Variants in ULK4 observed in about 807,000 individuals in gnomAD.
ULK4 encodes inactive serine/threonine-protein kinase ULK4.
In ULK4, 133 loss-of-function variants were observed where a neutral mutation model predicts 160.6. The observed-to-expected ratio is 0.83, with a 90% CI of 0.72 to 0.96. ULK4 has a LOEUF of 0.96. Among genes scored for constraint, ULK4 ranks in the 40% least tolerant of loss-of-function variants. The probability of loss-of-function intolerance (pLI) is 0.00; values close to 1 mark genes in which losing one functional copy is unlikely to be tolerated. For missense variants in ULK4, 1,580 were observed against 1,499.5 expected (o/e 1.05, Z -0.89); for synonymous variants, 534 against 539.8 (o/e 0.99, Z 0.15).
intron 22 of ULK4, among the ~76,000 whole-genome samples, chr3:41,746,979 C>A (rs1293519311): frequency 6.6e-6 from 1 of 151,938 alleles, no homozygotes; most frequent in Non-Finnish European, 1.5e-5. Flanking sequence ...AAACCTCTAA[C>A]TAAACTTTAT....
chr3:41,830,984 A>G (rs1325208062), intron 18 of ULK4, among the ~76,000 whole-genome samples: 2 of 151,276 alleles, frequency 1.3e-5, no homozygotes, highest in African/African-American at 2.4e-5. Flanking sequence ...CATAATGTAC[A>G]TCGCACAGGG....
At chr3:41,413,270 G>A (rs2082448571) in intron 34 of ULK4, among the ~76,000 whole-genome samples, 1 of 152,126 alleles carries the variant, frequency 6.6e-6, no homozygotes, top group Non-Finnish European at 1.5e-5. Context: ...AGGGGATTAT[G>A]GGAGCTAAAA....
chr3:41,476,606 T>C (rs2084152641), intron 32 of ULK4, among the ~76,000 whole-genome samples: 1 of 152,078 alleles, frequency 6.6e-6, no homozygotes, highest in Non-Finnish European at 1.5e-5. Flanking sequence ...CATTAAGCCA[T>C]TCCTTTTTTT....
chr3:41,606,084 C>T (rs938211023), intron 31 of ULK4, among the ~76,000 whole-genome samples: 2 of 151,700 alleles, frequency 1.3e-5, no homozygotes, highest in Non-Finnish European at 2.9e-5. Context: ...ATTTGTGAGA[C>T]GAAACTAAGG....
intron 2 of ULK4, among the ~76,000 whole-genome samples, chr3:41,940,032 T>G (rs532520437): frequency 4.6e-4 from 70 of 151,992 alleles, no homozygotes; most frequent in Non-Finnish European, 7.4e-4. Context: ...TTTTGTTGTT[T>G]TTTTTTTTAA....
intron 15 of ULK4, among the ~76,000 whole-genome samples, chr3:41,896,572 T>A (rs1328151675): frequency 4.6e-5 from 7 of 152,168 alleles, no homozygotes; most frequent in African/African-American, 1.2e-4. Flanking sequence ...GATTTTTTTT[T>A]AAATCTTACA....
chr3:41,932,009 A>G lies in ULK4; in HGVS notation c.379-3T>C, dbSNP rs983225648. On this transcript the variant is annotated splice_polypyrimidine_tract_variant and splice_region_variant and intron_variant, in intron 4 of 36. Transcript: ENST00000301831. ...GTGCCAGGCCCTTCCAAGAGTATCT[A>G]TGAAGATCAAATAAATGTTTTCAGA... 2 of 1,610,782 alleles carry G rather than the reference A, an allele frequency of 1.2e-6. No individual in the cohort carries two copies. The highest frequency in any genetic ancestry group is 1.7e-5 in the Admixed American group (1 of 59,508).
At chr3:41,346,974 C>A (rs141755327) in intron 35 of ULK4, among the ~76,000 whole-genome samples, 1 of 152,056 alleles carries the variant, frequency 6.6e-6, no homozygotes, top group African/African-American at 2.4e-5. Context: ...ATCTACAATA[C>A]ATGGAGTCAT....
intron 32 of ULK4, among the ~76,000 whole-genome samples, chr3:41,531,217 C>T (rs2086299411): frequency 6.6e-6 from 1 of 150,782 alleles, no homozygotes; most frequent in African/African-American, 2.4e-5. Context: ...CCGAGGCAGG[C>T]AGATCACAAG....
chr3:41,676,908 C>CTTTTTTT lies in ULK4; in HGVS notation c.2978+4593_2978+4599dup, dbSNP rs11304353. On this transcript the variant is annotated intron_variant, in intron 29 of 36. Coordinates refer to ENST00000301831, the MANE Select transcript of ULK4 (RefSeq NM_017886.4). ...TGGGGTGCCTGCCCCCACCCCCAACCTTTTTTTTTTTTTTTTTTTTTGAGA... is the reference window on the plus strand; with the variant it reads ...TGGGGTGCCTGCCCCCACCCCCAACCTTTTTTTTTTTTTTTTTTTTTTTTTTTTGAGA... 4.0e-3 allele frequency among the ~76,000 whole-genome samples: 368 copies of CTTTTTTT among 91,246 alleles called. 9 individuals are homozygous for CTTTTTTT. Among genetic ancestry groups the CTTTTTTT allele is most frequent in the African/African-American group, 0.014 (333 of 22,996 alleles). The allele number at this position is 91,246 out of a possible 152,430, so 59.9% of individuals were successfully genotyped here. A position where few individuals can be genotyped will look rare whatever the true frequency, so the allele number is the denominator to read the frequency against.
intron 19 of ULK4, among the ~76,000 whole-genome samples, chr3:41,804,263 T>G (rs1468212057): frequency 6.6e-6 from 1 of 152,210 alleles, no homozygotes. Flanking sequence ...TTCATGTGTT[T>G]TTTGCCTGCA....
chr3:41,496,109 G>C (rs935799495), intron 32 of ULK4, among the ~76,000 whole-genome samples: 3 of 151,692 alleles, frequency 2.0e-5, no homozygotes, highest in African/African-American at 7.3e-5. Flanking sequence ...AGAAAAAGAG[G>C]TCAATTTTCA....
At chr3:41,835,803 T>C (rs2041736513) in intron 18 of ULK4, 61 bp downstream of exon 18, 1 of 1,296,402 alleles carries the variant, frequency 7.7e-7, no homozygotes, top group Middle Eastern at 1.9e-4. Flanking sequence ...ATATTAATAC[T>C]TGTCAGCCAG....
intron 17 of ULK4, among the ~76,000 whole-genome samples, chr3:41,871,841 T>A (rs1697105654): frequency 6.6e-6 from 1 of 152,216 alleles, no homozygotes; most frequent in Non-Finnish European, 1.5e-5. Context: ...TTTGATGAAG[T>A]CCAATTTATT....
intron 32 of ULK4, among the ~76,000 whole-genome samples, chr3:41,558,486 C>G (rs1326344338): frequency 6.6e-6 from 1 of 152,026 alleles, no homozygotes; most frequent in Non-Finnish European, 1.5e-5. Flanking sequence ...GGCAGATCAC[C>G]TGAGGTCAGG....
chr3:41,602,321 G>GAA (rs1168150234), intron 31 of ULK4, among the ~76,000 whole-genome samples: 32 of 124,544 alleles, frequency 2.6e-4, no homozygotes, highest in African/African-American at 6.8e-4. Flanking sequence ...GAAAGGAAAG[G>GAA]AGGAAGGGAA....
rs2034323665 is a variant in ULK4 at position 41,643,338 on chromosome 3, G to T, written c.3071+20269C>A. ...TTATGGTTTTAGGTGTAACGTTTAA[G>T]TCTTTAATCCATCTTGAATTAATTT... On this transcript the variant is annotated intron_variant, in intron 30 of 36. Coordinates refer to ENST00000301831, the MANE Select transcript of ULK4 (RefSeq NM_017886.4). Among the ~76,000 whole-genome samples the T allele has an allele frequency of 2.0e-5, 3 of 152,158 alleles. No individual in the cohort carries two copies. In the South Asian group the frequency reaches 6.2e-4, roughly 32 times the overall value.
intron 12 of ULK4, among the ~76,000 whole-genome samples, chr3:41,903,742 G>C (rs887328453): frequency 6.6e-6 from 1 of 151,884 alleles, no homozygotes; most frequent in African/African-American, 2.4e-5. Context: ...AAAATGTTCA[G>C]GAATAAACTA....
intron 2 of ULK4, among the ~76,000 whole-genome samples, chr3:41,953,745 TAATATAG>T (rs895769929): frequency 1.1e-4 from 17 of 152,020 alleles, no homozygotes; most frequent in Non-Finnish European, 2.1e-4. Context: ...GTAAATTATC[TAATATAG>T]AATATAGTTT....
Sources: gnomAD v4.1 joint callset for allele counts (sites outside exome capture counted in the v4.1 genomes callset) on GRCh38, gnomAD v4.1.1 for gene constraint, MANE v1.5 for transcripts, NCBI Gene and HGNC (gene_info 2026-07-23, HGNC 2026-07-21) for gene names.